ANO2: variants seen among roughly 807,000 people sequenced by gnomAD.
ANO2 encodes anoctamin 2.
In ANO2, 101 loss-of-function variants were observed where a neutral mutation model predicts 124.2. The ratio of observed to expected loss-of-function variants is 0.81; its 90% CI spans 0.69 to 0.96. ANO2 has a LOEUF of 0.96. ANO2 is among the 40% of genes least tolerant of loss of function. The pLI, the probability that ANO2 is intolerant of heterozygous loss-of-function variation, is 0.00. For synonymous variants in ANO2, 486 were observed against 482.5 expected (o/e 1.01, Z -0.09); for missense variants, 1,293 against 1,274.5 (o/e 1.01, Z -0.22).
intron 14 of ANO2, among the ~76,000 whole-genome samples, chr12:5,670,199 A>C (rs181755621): frequency 6.0e-4 from 91 of 152,354 alleles, no homozygotes; most frequent in African/African-American, 1.9e-3. Flanking sequence ...TCTCATCCAT[A>C]AGGCAGTGAG....
Position 5,765,271 on chromosome 12 carries a change from C to T in ANO2, c.1056-14301G>A, listed in dbSNP as rs554025718. On this transcript the variant is annotated intron_variant, in intron 10 of 24. Transcript: ENST00000682330. The stretch of plus-strand genomic sequence containing the variant: ...ATAACCAACTGTACATAGCATCTCT[C>T]GATTGGAAAGCTGAAACCCAGGTAC... 1.6e-4 allele frequency among the ~76,000 whole-genome samples: 25 copies of T among 152,264 alleles called. No homozygotes were observed. The East Asian group carries it at 4.4e-3, about 27-fold the overall frequency.
intron 3 of ANO2, among the ~76,000 whole-genome samples, chr12:5,902,471 T>C (rs7296459): frequency 0.19 from 27,931 of 147,496 alleles, 2,899 homozygotes; most frequent in Middle Eastern, 0.28. Context: ...GTGCCTATAG[T>C]TCCAGCTACC....
intron 13 of ANO2, 49 bp downstream of exon 13, chr12:5,739,267 AC>A (rs760531472): frequency 1.3e-6 from 2 of 1,501,096 alleles, no homozygotes; most frequent in East Asian, 4.8e-5. Flanking sequence ...CAGGGTCAAA[AC>A]AAAGCAAAAG....
chr12:5,865,318 C>T (rs572081681), intron 3 of ANO2, among the ~76,000 whole-genome samples: 1 of 151,350 alleles, frequency 6.6e-6, no homozygotes, highest in South Asian at 2.1e-4. Flanking sequence ...CATCACCATG[C>T]ATTCACACCA....
At chr12:5,642,425 T>TA (rs1308009266) in intron 15 of ANO2, among the ~76,000 whole-genome samples, 1 of 151,682 alleles carries the variant, frequency 6.6e-6, no homozygotes, top group Non-Finnish European at 1.5e-5. Flanking sequence ...ATAAAAGCCT[T>TA]AGAGTCATTC....
intron 14 of ANO2, among the ~76,000 whole-genome samples, chr12:5,689,689 G>A (rs1045162491): frequency 1.3e-5 from 2 of 152,066 alleles, no homozygotes; most frequent in African/African-American, 4.8e-5. Context: ...AGGTGGACAC[G>A]GACTCCTGTA....
chr12:5,692,909 T>C (rs1949005238), intron 14 of ANO2, among the ~76,000 whole-genome samples: 1 of 152,218 alleles, frequency 6.6e-6, no homozygotes, highest in Non-Finnish European at 1.5e-5. Flanking sequence ...AAAATCCTTG[T>C]TTATTAACAA....
chr12:5,916,511 A>AAAAAAAAAAAAAAG, intron 3 of ANO2, among the ~76,000 whole-genome samples: 3 of 150,974 alleles, frequency 2.0e-5, no homozygotes, highest in East Asian at 1.9e-4. Context: ...AAAAAAAAAA[A>AAAAAAAAAAAAAAG]AAGGCAGCAG....
At chr12:5,761,376 A>T (rs1428909536) in intron 10 of ANO2, among the ~76,000 whole-genome samples, 1 of 152,198 alleles carries the variant, frequency 6.6e-6, no homozygotes, top group African/African-American at 2.4e-5. Context: ...CATCCCCCAT[A>T]AGATTACTTA....
intron 4 of ANO2, among the ~76,000 whole-genome samples, chr12:5,851,080 G>A (rs1429627503): frequency 6.6e-6 from 1 of 152,124 alleles, no homozygotes; most frequent in Non-Finnish European, 1.5e-5. Context: ...CTCGACTAGT[G>A]CTGTGTCTAC....
chr12:5,583,480 C>CGT (rs1306995103), intron 20 of ANO2, among the ~76,000 whole-genome samples: 2 of 151,302 alleles, frequency 1.3e-5, no homozygotes, highest in African/African-American at 2.4e-5. Context: ...GGTGAAACCC[C>CGT]GTCTCTACTA....
chr12:5,861,377 G>C (rs1431839903), intron 3 of ANO2, among the ~76,000 whole-genome samples: 2 of 73,684 alleles, frequency 2.7e-5, no homozygotes, highest in Non-Finnish European at 6.9e-5. Context: ...CCTCTCTCCC[G>C]CACTCCAGGC....
intron 14 of ANO2, among the ~76,000 whole-genome samples, chr12:5,723,093 G>T (rs1950299508): frequency 6.6e-6 from 1 of 152,164 alleles, no homozygotes; most frequent in African/African-American, 2.4e-5. Flanking sequence ...ATTCCTTACG[G>T]CATTTTTTTC....
At position 5,832,477 on chromosome 12, in the gene ANO2, G is replaced by C. The variant is rs753346613; in HGVS notation, c.760C>G (p.Pro254Ala). 1.5e-5 allele frequency: 25 copies of C among 1,613,962 alleles called. No individual in the cohort carries two copies. The South Asian group carries it at 2.6e-4, about 17-fold the overall frequency. The stretch of plus-strand genomic sequence containing the variant: ...AGGTACATCTTCTCCCTGGAGAATG[G>C]GTAGGAGAGGTTTTTCATCTTGTTG... ...SNNKMKNLSY[P>A]FSREKMYLYN... Residue 254 changes from proline (P) to alanine (A), a missense_variant, in exon 5 of 25, where the codon CCA becomes GCA. Transcript: ENST00000682330.
Position 5,925,378 on chromosome 12 carries a change from C to T in ANO2, c.23-2574G>A, listed in dbSNP as rs1272527478. 1.4e-4 allele frequency among the ~76,000 whole-genome samples: 22 copies of T among 152,222 alleles called. No homozygotes were observed. The highest frequency in any genetic ancestry group is 8.8e-5 in the Non-Finnish European group (6 of 68,046). On this transcript the variant is annotated intron_variant, in intron 1 of 24. Transcript: ENST00000682330. The surrounding 1 kb of genome is among the most constrained non-coding windows in gnomAD (Gnocchi z 4.6). The stretch of plus-strand genomic sequence containing the variant: ...CTCCCCCGGCTCGCTCTCTGACACA[C>T]GGATCCGGCTGCCTGGGAACTCTGC...
At chr12:5,680,105 T>G (rs1948426989) in intron 14 of ANO2, among the ~76,000 whole-genome samples, 1 of 151,938 alleles carries the variant, frequency 6.6e-6, no homozygotes, top group Non-Finnish European at 1.5e-5. Context: ...ATGGACACAC[T>G]GGGGGAACAA....
chr12:5,812,776 GAAAGAAAGAA>G (rs1215671023), intron 7 of ANO2, among the ~76,000 whole-genome samples: 5 of 141,280 alleles, frequency 3.5e-5, no homozygotes, highest in South Asian at 2.3e-4. Context: ...GCAGGCAAGT[GAAAGAAAGAA>G]AAAGAAAGAA....
chr12:5,674,010 C>A (rs1948125169), intron 14 of ANO2, among the ~76,000 whole-genome samples: 1 of 152,190 alleles, frequency 6.6e-6, no homozygotes, highest in Admixed American at 6.5e-5. Context: ...ACCCTCCTCT[C>A]CTTTTCATCT....
chr12:5,836,076 C>G (rs1954306060), intron 4 of ANO2, among the ~76,000 whole-genome samples: 1 of 23,158 alleles, frequency 4.3e-5, no homozygotes, highest in African/African-American at 7.1e-5. Flanking sequence ...TTTGGACCAA[C>G]CAGGACTATT....
Sources: gnomAD v4.1 joint callset for allele counts (sites outside exome capture counted in the v4.1 genomes callset) on GRCh38, gnomAD v4.1.1 for gene constraint, Gnocchi (gnomAD v3.1) non-coding constraint, MANE v1.5 for transcripts, NCBI Gene and HGNC (gene_info 2026-07-23, HGNC 2026-07-21) for gene names.